The following DNAI4 variants were observed in gnomAD, a reference collection of about 807,000 sequenced individuals.
DNAI4 encodes WD repeat domain 78.
DNAI4 carries 85 observed loss-of-function variants against 105.8 expected under a neutral mutation model. That is an observed-to-expected ratio of 0.80 (90% confidence interval 0.67 to 0.96). The LOEUF is 0.96. Ranked by LOEUF, DNAI4 falls within the 40% of genes least tolerant of loss-of-function variation. The pLI, the probability that DNAI4 is intolerant of heterozygous loss-of-function variation, is 0.00. For synonymous variants in DNAI4, 352 were observed against 331.5 expected (o/e 1.06, Z -0.67); for missense variants, 1,014 against 1,005.6 (o/e 1.01, Z -0.11).
chr1:66,877,273 C>T (rs1646977406), intron 4 of DNAI4, among the ~76,000 whole-genome samples: 1 of 152,276 alleles, frequency 6.6e-6, no homozygotes. Context: ...TATTTATTAA[C>T]TGAGAGCATC....
At chr1:66,836,312 GAAA>G (rs1646023386) in intron 10 of DNAI4, among the ~76,000 whole-genome samples, 2 of 146,962 alleles carry the variant, frequency 1.4e-5, no homozygotes, top group Admixed American at 6.8e-5. Context: ...AAGAAAGAAA[GAAA>G]GAAAGAAAGA....
Position 66,834,104 on chromosome 1 carries a change from C to A in DNAI4, c.1778G>T (p.Trp593Leu), listed in dbSNP as rs755382003. The change falls in exon 12 of 17, where the codon TGG (tryptophan) becomes TTG (leucine). Residue 593 changes from tryptophan to leucine, a missense_variant. Coordinates refer to ENST00000371026, the MANE Select transcript of DNAI4 (RefSeq NM_024763.5). Reference sequence around the variant, plus strand: ...TGTTGTTCCTCGATCTTGTTCTATCCACTGTAGTTGCCATACAGGTCCCAA... The same window carrying A: ...TGTTGTTCCTCGATCTTGTTCTATCAACTGTAGTTGCCATACAGGTCCCAA... ...KHLGPVWQLQWIEQDRGTTGD... is the reference protein window; with the variant it reads ...KHLGPVWQLQLIEQDRGTTGD... 2 of 1,610,890 alleles carry A rather than the reference C, an allele frequency of 1.2e-6. No homozygotes were observed. Among genetic ancestry groups the A allele is most frequent in the South Asian group, 2.2e-5 (2 of 90,240 alleles).
rs1180489231 is a variant in DNAI4 at position 66,822,413 on chromosome 1, T to A, written c.2444A>T (p.Gln815Leu). 7 of 1,613,102 alleles carry A rather than the reference T, an allele frequency of 4.3e-6. No individual in the cohort carries two copies. The highest frequency in any genetic ancestry group is 5.9e-6 in the Non-Finnish European group (7 of 1,179,686). ...ATTTCTCAGTTCATACACAGAAACC[T>A]GTCCATCACTGTCTCCTACCAGAAG... ...DCLLVGDSDG[Q>L]VSVYELRNMP... Residue 815 changes from glutamine (Q) to leucine (L), a missense_variant, in exon 16 of 17, where the codon CAG becomes CTG. Gln to Leu is a moderately radical substitution (Grantham distance 113, BLOSUM62 -2). Transcript: ENST00000371026.
chr1:66,890,488 A>G lies in DNAI4; in HGVS notation c.643+666T>C, dbSNP rs1361875677. On this transcript the variant is annotated intron_variant, in intron 4 of 16. Transcript: ENST00000371026. This position sits in a 1 kb window ranked among gnomAD's most constrained non-coding sequence, Gnocchi z 4.1. ...GTGGCGGACACCTGCAATCCCAGCT[A>G]CTTGGGAGGCTGAGAGAGGAGAATT... The G allele has an allele frequency of 6.5e-6, 1 of 153,090 alleles. No individual in the cohort carries two copies. The highest frequency in any genetic ancestry group is 2.4e-5 in the African/African-American group (1 of 41,416). 9.5% of individuals were successfully genotyped at this position (153,090 alleles called of 1,614,324 possible).
Position 66,889,896 on chromosome 1 carries a change from C to A in DNAI4, c.643+1258G>T, listed in dbSNP as rs1647449276. On this transcript the variant is annotated intron_variant, in intron 4 of 16. Transcript: ENST00000371026. ...ACCTGATTCAAAAGTCAATAATGTT[C>A]TCTGTGAAACCTTTTTTATTTTACC... 2.0e-5 allele frequency among the ~76,000 whole-genome samples: 3 copies of A among 152,290 alleles called. No homozygotes were observed. In the Middle Eastern group the frequency reaches 0.01, roughly 518 times the overall value.
chr1:66,864,571 G>T (rs766355492), intron 6 of DNAI4, among the ~76,000 whole-genome samples: 8 of 152,210 alleles, frequency 5.3e-5, no homozygotes, highest in Non-Finnish European at 1.2e-4. Context: ...AGCAAGGTAG[G>T]CCAGGCGCGG....
chr1:66,862,052 C>T, intron 7 of DNAI4, 95 bp downstream of exon 7: 1 of 1,185,320 alleles, frequency 8.4e-7, no homozygotes. Flanking sequence ...TTTCATGGTC[C>T]ATTAGAAAGA....
rs149295694 is a variant in DNAI4 at position 66,909,026 on chromosome 1, C to A, written c.171-3651G>T. ...CTATTATTGCAGTTCAGGTCACTCC[C>A]TCTACATGCATACCAGATTCCATTT... On this transcript the variant is annotated intron_variant, in intron 1 of 16. Coordinates refer to ENST00000371026, the MANE Select transcript of DNAI4 (RefSeq NM_024763.5). Among the ~76,000 whole-genome samples the A allele has an allele frequency of 1.7e-3, 259 of 152,168 alleles. 1 individual carries two copies. The highest frequency in any genetic ancestry group is 5.4e-3 in the African/African-American group (226 of 41,538).
Position 66,827,866 on chromosome 1 carries a change from G to A in DNAI4, c.2058C>T (p.His686=). Residue 686 remains histidine, a synonymous_variant, in exon 14 of 17, where the codon CAC becomes CAT. Transcript: ENST00000371026. ...YLAGTEEGHI[H]KCSCSYNEQY... ...GTTCATTATATGAACAAGAACATTT[G>A]TGAATATGACCTTCTTCAGTGCCAG... 1 of 1,607,980 alleles carries A rather than the reference G, an allele frequency of 6.2e-7. No individual in the cohort carries two copies. The highest frequency in any genetic ancestry group is 1.3e-5 in the African/African-American group (1 of 74,650).
At chr1:66,825,483 A>G (rs1000453061) in intron 15 of DNAI4, among the ~76,000 whole-genome samples, 6 of 152,230 alleles carry the variant, frequency 3.9e-5, no homozygotes, top group African/African-American at 1.4e-4. Flanking sequence ...GCACGGCCTA[A>G]TAACTGTCTT....
At chr1:66,915,705 T>C (rs1157229422) in intron 1 of DNAI4, among the ~76,000 whole-genome samples, 4 of 152,166 alleles carry the variant, frequency 2.6e-5, no homozygotes, top group African/African-American at 9.7e-5. Context: ...TCAAAGTTTA[T>C]TTAAAGGTTA....
chr1:66,915,484 T>C (rs576285328), intron 1 of DNAI4, among the ~76,000 whole-genome samples: 1 of 152,236 alleles, frequency 6.6e-6, no homozygotes, highest in African/African-American at 2.4e-5. Context: ...ATAGGTCATA[T>C]AGGTAAACAA....
intron 13 of DNAI4, among the ~76,000 whole-genome samples, chr1:66,833,263 CAT>C (rs749256025): frequency 1.3e-5 from 2 of 152,084 alleles, no homozygotes; most frequent in Non-Finnish European, 2.9e-5. Context: ...ATAATTCACA[CAT>C]GTCAAGTATA....
At chr1:66,846,078 G>C (rs1646269702) in intron 8 of DNAI4, among the ~76,000 whole-genome samples, 1 of 151,836 alleles carries the variant, frequency 6.6e-6, no homozygotes, top group Non-Finnish European at 1.5e-5. Flanking sequence ...TAGATGTGTT[G>C]AAAGAAGTGA....
At chr1:66,892,778 G>C (rs1182473847) in intron 3 of DNAI4, among the ~76,000 whole-genome samples, 1 of 151,450 alleles carries the variant, frequency 6.6e-6, no homozygotes, top group Non-Finnish European at 1.5e-5. Context: ...GTAGTGGGGG[G>C]GCGCCTGTAA....
At chr1:66,815,788 G>C (rs1645502569) in intron 16 of DNAI4, among the ~76,000 whole-genome samples, 1 of 152,170 alleles carries the variant, frequency 6.6e-6, no homozygotes, top group South Asian at 2.1e-4. Context: ...TGTTAATGCA[G>C]TGGTAACTCC....
At chr1:66,883,928 T>TA (rs1476293409) in intron 4 of DNAI4, among the ~76,000 whole-genome samples, 2 of 152,148 alleles carry the variant, frequency 1.3e-5, no homozygotes, top group Non-Finnish European at 2.9e-5. Context: ...ATAGACTTTT[T>TA]AAAAAAACAT....
chr1:66,911,637 ATATT>A (rs966283218), intron 1 of DNAI4, among the ~76,000 whole-genome samples: 7 of 152,232 alleles, frequency 4.6e-5, no homozygotes, highest in Non-Finnish European at 7.3e-5. Context: ...GACCAAATAA[ATATT>A]TATTTTACAA....
At position 66,833,566 on chromosome 1, in the gene DNAI4, T is replaced by C. The variant is rs1335248317; in HGVS notation, c.2013+19A>G. ...GGAAATTGTTATGTCCAGTGGTAAA[T>C]AAGAGTGAAATAATTTACCTTGGGA... On this transcript the variant is annotated intron_variant, in intron 13 of 16. Coordinates refer to ENST00000371026, the MANE Select transcript of DNAI4 (RefSeq NM_024763.5). 6 of 1,611,144 alleles carry C rather than the reference T, an allele frequency of 3.7e-6. No homozygotes were observed. The Admixed American group carries it at 8.4e-5, about 23-fold the overall frequency.
Sources: gnomAD v4.1 joint callset for allele counts (sites outside exome capture counted in the v4.1 genomes callset) on GRCh38, gnomAD v4.1.1 for gene constraint, Gnocchi (gnomAD v3.1) non-coding constraint, MANE v1.5 for transcripts, NCBI Gene and HGNC (gene_info 2026-07-23, HGNC 2026-07-21) for gene names.